The following WDR59 variants were observed in gnomAD, a reference collection of about 807,000 sequenced individuals.
WDR59 encodes the protein WD repeat domain 59.
Under a neutral mutation model 131.2 loss-of-function variants are expected in WDR59, and 100 were observed. The observed-to-expected ratio is 0.76, with a 90% confidence interval of 0.65 to 0.90. The LOEUF (loss-of-function observed/expected upper bound fraction) is 0.90. WDR59 is among the 40% of genes least tolerant of loss of function. WDR59 has a pLI of 0.00. For synonymous variants in WDR59, 601 were observed against 466.2 expected, an observed-to-expected ratio of 1.29 and a Z score of -3.72; for missense variants, 1,203 against 1,262.2, an observed-to-expected ratio of 0.95 and a Z score of 0.71.
intron 6 of WDR59, among the ~76,000 whole-genome samples, chr16:74,945,357 G>A (rs1447730141): frequency 6.6e-6 from 1 of 151,534 alleles, no homozygotes; most frequent in African/African-American, 2.4e-5. Context: ...GGCGCCTGCA[G>A]TCCCAGCTAC....
chr16:74,974,097 G>A (rs1437568696), intron 1 of WDR59, among the ~76,000 whole-genome samples: 3 of 152,194 alleles, frequency 2.0e-5, no homozygotes, highest in Non-Finnish European at 4.4e-5. Flanking sequence ...TTCAACCCAG[G>A]AGGCAGAGTT....
At chr16:74,904,185 AAGG>A in intron 17 of WDR59, 85 bp from the exon 18 acceptor site, 12 of 1,499,984 alleles carry the variant, frequency 8.0e-6, no homozygotes, top group Non-Finnish European at 1.1e-5. Context: ...TTGATACCAA[AAGG>A]AGAAGACAAA....
intron 1 of WDR59, among the ~76,000 whole-genome samples, chr16:74,973,264 A>AAC (rs1196588462): frequency 6.8e-6 from 1 of 146,442 alleles, no homozygotes; most frequent in East Asian, 2.1e-4. Flanking sequence ...ATTATACATG[A>AAC]ACACTGCTGC....
rs201897171 is a variant in WDR59 at position 74,922,007 on chromosome 16, G to A, written c.826C>T (p.His276Tyr). ...WNVFDLNTPVHTFVGHDDVVL... is the reference protein window; with the variant it reads ...WNVFDLNTPVYTFVGHDDVVL... ...ACATCATCATGCCCCACGAAGGTGT[G>A]GACTGGGGTGTTCAAGTCAAAGACA... Residue 276 changes from histidine (H) to tyrosine (Y), a missense_variant, in exon 10 of 26, where the codon CAC becomes TAC. Transcript: ENST00000262144. 8.1e-6 allele frequency: 13 copies of A among 1,614,062 alleles called. No individual in the cohort carries two copies. The highest frequency in any genetic ancestry group is 8.5e-7 in the Non-Finnish European group (1 of 1,180,044).
intron 8 of WDR59, among the ~76,000 whole-genome samples, chr16:74,926,003 TAA>T (rs34876405): frequency 0.019 from 2,594 of 135,820 alleles, 55 homozygotes; most frequent in African/African-American, 0.06. Flanking sequence ...ATGTTTTTAA[TAA>T]AAAAAAAAAA....
Position 74,912,341 on chromosome 16 carries a change from A to G in WDR59, c.1246T>C (p.Cys416Arg). The change falls in exon 14 of 26, where the codon TGC becomes CGC. Residue 416 changes from cysteine to arginine, a missense_variant. Coordinates refer to ENST00000262144, the MANE Select transcript of WDR59 (RefSeq NM_030581.4). ...TTGCTGCAGTGCACAGACACTGTGC[A>G]GCTCCTGTCTGCCGCATCCATCTGC... ...NVEMDAADRS[C>R]TVSVHCSNHR... The G allele has an allele frequency of 6.2e-7, 1 of 1,613,612 alleles. No individual in the cohort carries two copies. Among genetic ancestry groups the G allele is most frequent in the Non-Finnish European group, 8.5e-7 (1 of 1,179,754 alleles).
Position 74,920,068 on chromosome 16 carries a change from CAAA to C in WDR59, c.886+1876_886+1878del, listed in dbSNP as rs71378717. Among the ~76,000 whole-genome samples the C allele has an allele frequency of 7.2e-3, 869 of 120,834 alleles. 8 individuals carry two copies. Among genetic ancestry groups the C allele is most frequent in the African/African-American group, 0.026 (732 of 28,500 alleles). The allele number at this position is 120,834 out of a possible 152,430, so 79.3% of individuals were successfully genotyped here. A position where few individuals can be genotyped will look rare whatever the true frequency, so the allele number is the denominator to read the frequency against. On this transcript the variant is annotated intron_variant, in intron 10 of 25. Coordinates refer to ENST00000262144, the MANE Select transcript of WDR59 (RefSeq NM_030581.4). ...TGGGTGACAGAGCGAGACCCTATCT[CAAA>C]AAAAAAAAAAAAAAAAATTGATGTC...
At position 74,887,714 on chromosome 16, in the gene WDR59, G is replaced by A. The variant is rs751945903; in HGVS notation, c.2388C>T (p.Asp796=). The A allele has an allele frequency of 6.2e-7, 1 of 1,614,130 alleles. No individual in the cohort carries two copies. Among genetic ancestry groups the A allele is most frequent in the Non-Finnish European group, 8.5e-7 (1 of 1,180,010 alleles). ...TCCAGCCGCCAGTGTTGAGCCCTGG[G>A]TCTGACATACTGGAGCAGGAACCAG... ...TSSGSCSSMS[D]PGLNTGGWNI... Residue 796 remains aspartate (D), a synonymous_variant, in exon 23 of 26, where the codon GAC becomes GAT. Transcript: ENST00000262144.
At chr16:74,909,459 C>T (rs1433207517) in intron 16 of WDR59, 42 bp downstream of exon 16, 1 of 1,505,442 alleles carries the variant, frequency 6.6e-7, no homozygotes, top group Non-Finnish European at 8.9e-7. Context: ...TTCTTAGCTG[C>T]TCCCTCTCGA....
Position 74,985,051 on chromosome 16 carries a change from C to T in WDR59, c.-34G>A, listed in dbSNP as rs1242259213. On this transcript the variant is annotated 5_prime_UTR_variant, in exon 1 of 26. Coordinates refer to ENST00000262144, the MANE Select transcript of WDR59 (RefSeq NM_030581.4). ...CCCGGCCGCCGCGGCCCCAGGACGG[C>T]GCCCTCCCACCCCGCCGTCCCCAGT... The T allele has an allele frequency of 1.9e-6, 3 of 1,548,304 alleles. No individual in the cohort carries two copies. Among genetic ancestry groups the T allele is most frequent in the Non-Finnish European group, 1.7e-6 (2 of 1,143,416 alleles).
chr16:74,886,426 G>A (rs928173164), intron 23 of WDR59, 30 bp from the exon 24 acceptor site: 3 of 1,607,678 alleles, frequency 1.9e-6, no homozygotes, highest in Non-Finnish European at 1.7e-6. Flanking sequence ...AAGGGAAGAT[G>A]GCAATCAGAG....
intron 1 of WDR59, among the ~76,000 whole-genome samples, chr16:74,981,636 A>ATTTTTTTTTTTTTTTTTTT (rs2034417053): frequency 7.7e-5 from 1 of 12,986 alleles, no homozygotes; most frequent in African/African-American, 2.9e-4. Context: ...ATATATATAT[A>ATTTTTTTTTTTTTTTTTTT]TATATATATA....
chr16:74,936,461 G>A (rs1386170648), intron 8 of WDR59, among the ~76,000 whole-genome samples: 2 of 152,102 alleles, frequency 1.3e-5, no homozygotes. Context: ...CTCATAGAAA[G>A]AGGTAGAGTT....
intron 1 of WDR59, among the ~76,000 whole-genome samples, chr16:74,969,981 T>C (rs2033917762): frequency 6.6e-6 from 1 of 151,928 alleles, no homozygotes; most frequent in African/African-American, 2.4e-5. Context: ...TGGAGTGCAG[T>C]GGCTCAATCT....
Position 74,949,198 on chromosome 16 carries a change from G to A in WDR59, c.407+520C>T, listed in dbSNP as rs536248912. ...AAATAAAAATTAGCTGGGCATGGTG[G>A]CAAGTGCCTGTGGTCCCAGCTACTC... On this transcript the variant is annotated intron_variant, in intron 5 of 25. Coordinates refer to ENST00000262144, the MANE Select transcript of WDR59 (RefSeq NM_030581.4). 5.2e-4 allele frequency among the ~76,000 whole-genome samples: 79 copies of A among 151,848 alleles called. 1 individual carries two copies. The South Asian group carries it at 0.016, about 31-fold the overall frequency.
intron 8 of WDR59, among the ~76,000 whole-genome samples, chr16:74,928,127 C>T (rs1424759906): frequency 6.6e-6 from 1 of 151,042 alleles, no homozygotes; most frequent in African/African-American, 2.4e-5. Context: ...AGGATTAGCT[C>T]AATCTCTTGA....
In WDR59 at chr16:74,912,265, G is replaced by A. The variant is rs1349856027; in HGVS notation, c.1322C>T (p.Ala441Val). Residue 441 changes from alanine (A) to valine (V), a missense_variant, in exon 14 of 26, where the codon GCC (alanine) becomes GTC (valine). Ala to Val is a moderately conservative substitution (Grantham distance 64, BLOSUM62 0). Coordinates refer to ENST00000262144, the MANE Select transcript of WDR59 (RefSeq NM_030581.4). ...VKFPAQYPNN[A>V]APSFQFINPT... is the part of the protein sequence containing the mutation. Reference sequence around the variant, plus strand: ...GTTAATAAACTGGAAGGAAGGGGCGGCGTTGTTTGGGTACTGTGCAGGGAA... The same window carrying A: ...GTTAATAAACTGGAAGGAAGGGGCGACGTTGTTTGGGTACTGTGCAGGGAA... The A allele has an allele frequency of 5.0e-6, 8 of 1,614,178 alleles. No individual in the cohort carries two copies. Among genetic ancestry groups the A allele is most frequent in the Non-Finnish European group, 6.8e-6 (8 of 1,180,034 alleles).
At position 74,985,075 on chromosome 16, in the gene WDR59, G is replaced by A. The variant is rs541618327; in HGVS notation, c.-58C>T. The A allele has an allele frequency of 4.0e-6, 6 of 1,498,950 alleles. No homozygotes were observed. The African/African-American group carries it at 5.6e-5, about 14-fold the overall frequency. The allele number at this position is 1,498,950 out of a possible 1,614,324, so 92.9% of individuals were successfully genotyped here. A position where few individuals can be genotyped will look rare whatever the true frequency, so the allele number is the denominator to read the frequency against. ...GCGCCCTCCCACCCCGCCGTCCCCA[G>A]TATCCCGGGACCGTGCGCCCCACAC... On this transcript the variant is annotated 5_prime_UTR_variant, in exon 1 of 26. Transcript: ENST00000262144.
At chr16:74,891,839 G>A (rs1180725088) in intron 20 of WDR59, among the ~76,000 whole-genome samples, 3 of 152,152 alleles carry the variant, frequency 2.0e-5, no homozygotes, top group Non-Finnish European at 2.9e-5. Context: ...CAGGAGAATC[G>A]CTTGAACCCG....
Sources: allele counts gnomAD v4.1 joint callset (sites outside exome capture counted in the v4.1 genomes callset), GRCh38; gene constraint gnomAD v4.1.1; transcripts MANE v1.5; gene names NCBI Gene and HGNC (gene_info 2026-07-23, HGNC 2026-07-21).